KLRG1: variants seen among roughly 807,000 people sequenced by gnomAD.
KLRG1 encodes killer cell lectin like receptor G1.
In KLRG1, 16 loss-of-function variants were observed where a neutral mutation model predicts 21.8. That is an observed-to-expected ratio of 0.73 (90% CI 0.50 to 1.11). KLRG1 has a LOEUF of 1.11. Among genes scored for constraint, KLRG1 ranks in the 50% most tolerant of loss-of-function variants. The pLI, the probability that KLRG1 is intolerant of heterozygous loss-of-function variation, is 0.00. For missense variants in KLRG1, 173 were observed against 218.3 expected, an observed-to-expected ratio of 0.79 and a Z score of 1.31; for synonymous variants, 69 against 75.9, an observed-to-expected ratio of 0.91 and a Z score of 0.47.
chr12:9,080,342 T>C, the KLRG1 span: 2 of 402,826 alleles, frequency 5.0e-6, no homozygotes, highest in Non-Finnish European at 8.9e-6. Context: ...AAAAATGGGC[T>C]ACTGGTTTCC....
chr12:9,147,780 C>G, the KLRG1 span, among the ~76,000 whole-genome samples: 1 of 152,234 alleles, frequency 6.6e-6, no homozygotes, highest in Non-Finnish European at 1.5e-5. Context: ...ACCCTTCAAG[C>G]TAAGTCTTCT....
At chr12:9,165,580 A>T in the KLRG1 span, among the ~76,000 whole-genome samples, 2 of 152,188 alleles carry the variant, frequency 1.3e-5, no homozygotes, top group African/African-American at 2.4e-5. Flanking sequence ...TCAACAAATG[A>T]TCATATCCCA....
chr12:9,008,490 T>C (rs1947541006), intron 3 of KLRG1, among the ~76,000 whole-genome samples: 3 of 152,334 alleles, frequency 2.0e-5, no homozygotes, highest in Admixed American at 2.0e-4. Flanking sequence ...TGTCTTAGCT[T>C]GGGCTGCTCT....
the KLRG1 span, among the ~76,000 whole-genome samples, chr12:9,032,892 A>G: frequency 6.6e-6 from 1 of 152,170 alleles, no homozygotes; most frequent in Non-Finnish European, 1.5e-5. Flanking sequence ...ATCAATCAAT[A>G]TTCCCCATTC....
At chr12:9,208,807 G>A in the KLRG1 span, among the ~76,000 whole-genome samples, 10 of 152,076 alleles carry the variant, frequency 6.6e-5, no homozygotes, top group African/African-American at 2.4e-4. Flanking sequence ...TTCTTTTTTA[G>A]CAGTTGATTG....
At chr12:9,112,093 C>T in the KLRG1 span, 2 of 1,519,522 alleles carry the variant, frequency 1.3e-6, no homozygotes, top group Non-Finnish European at 1.8e-6. Flanking sequence ...CTTCCCTCAG[C>T]ACAAAAAACA....
the KLRG1 span, chr12:9,202,501 A>C: frequency 1.2e-6 from 2 of 1,613,710 alleles, no homozygotes; most frequent in Non-Finnish European, 1.7e-6. Flanking sequence ...GTGTTGCCCC[A>C]AACAGTGGAA....
At chr12:9,158,475 T>C in the KLRG1 span, 4 of 1,614,184 alleles carry the variant, frequency 2.5e-6, no homozygotes, top group East Asian at 8.9e-5. Flanking sequence ...ATTGTCCTTC[T>C]GCATCTGGGA....
the KLRG1 span, chr12:9,079,929 T>C: frequency 8.9e-7 from 1 of 1,124,684 alleles, no homozygotes; most frequent in Non-Finnish European, 1.2e-6. Flanking sequence ...GGAAGGATGA[T>C]TCTTCCAGGG....
the KLRG1 span, chr12:9,104,383 C>T: frequency 6.3e-7 from 1 of 1,592,740 alleles, no homozygotes; most frequent in Non-Finnish European, 8.6e-7. Context: ...GGACGCCTTT[C>T]CCATCTACTA....
the KLRG1 span, chr12:9,090,017 A>T: frequency 4.4e-6 from 7 of 1,587,702 alleles, no homozygotes; most frequent in Non-Finnish European, 5.2e-6. Flanking sequence ...AGTGAAATTC[A>T]CATTTCCTGA....
rs1947598501 is a variant in KLRG1, at chr12:9,010,061, C to T, written c.*524C>T. ...ACCTAGCTGGCATGCTGGTGTGTACCTGTAGTCCTAGCTATTTGGGAAGCT... is the reference window on the plus strand; with the variant it reads ...ACCTAGCTGGCATGCTGGTGTGTACTTGTAGTCCTAGCTATTTGGGAAGCT... On this transcript the variant is annotated 3_prime_UTR_variant, in exon 5 of 5. Transcript: ENST00000356986. 1.3e-6 allele frequency: 2 copies of T among 1,512,918 alleles called. No individual in the cohort carries two copies. The highest frequency in any genetic ancestry group is 3.9e-5 in the Admixed American group (2 of 50,794). 93.7% of individuals were successfully genotyped at this position (1,512,918 alleles called of 1,614,324 possible). A position where few individuals can be genotyped will look rare whatever the true frequency, so the allele number is the denominator to read the frequency against.
chr12:8,995,785 C>T (rs968946798), intron 3 of KLRG1, among the ~76,000 whole-genome samples: 2 of 151,846 alleles, frequency 1.3e-5, no homozygotes, highest in East Asian at 3.9e-4. Flanking sequence ...CAGGTTCAAG[C>T]GCTTCTCCTG....
chr12:9,061,321 C>A, the KLRG1 span, among the ~76,000 whole-genome samples: 6 of 151,848 alleles, frequency 4.0e-5, no homozygotes, highest in African/African-American at 1.5e-4. Context: ...GCTATGTTTT[C>A]CAGATGTTTG....
chr12:9,082,751 C>T, the KLRG1 span, among the ~76,000 whole-genome samples: 1 of 152,092 alleles, frequency 6.6e-6, no homozygotes, highest in African/African-American at 2.4e-5. Context: ...TCAGAATAAT[C>T]CTCTTGAAGA....
the KLRG1 span, among the ~76,000 whole-genome samples, chr12:9,144,877 T>C: frequency 1.3e-5 from 2 of 152,176 alleles, no homozygotes; most frequent in Non-Finnish European, 2.9e-5. Flanking sequence ...TCATTTGTGG[T>C]TTATGGTCAT....
intron 1 of KLRG1, among the ~76,000 whole-genome samples, chr12:8,953,938 G>A (rs1180437308): frequency 6.6e-6 from 1 of 152,184 alleles, no homozygotes; most frequent in Non-Finnish European, 1.5e-5. Context: ...GGGAGGGTGT[G>A]TTTCCTACCA....
At chr12:9,214,749 A>T in the KLRG1 span, among the ~76,000 whole-genome samples, 1 of 151,912 alleles carries the variant, frequency 6.6e-6, no homozygotes. Flanking sequence ...TTGACTTTAC[A>T]GTTATGTTAC....
the KLRG1 span, chr12:9,089,796 G>A: frequency 1.2e-6 from 1 of 831,212 alleles, no homozygotes; most frequent in African/African-American, 1.8e-5. Flanking sequence ...AGAGAGATAG[G>A]ACAGAGAGAT....
Sources: allele counts gnomAD v4.1 joint callset (sites outside exome capture counted in the v4.1 genomes callset), GRCh38; gene constraint gnomAD v4.1.1; transcripts MANE v1.5; gene names NCBI Gene and HGNC (gene_info 2026-07-23, HGNC 2026-07-21).